ADAMTS12: variants seen among roughly 807,000 people sequenced by gnomAD.
The protein encoded by ADAMTS12 is A disintegrin and metalloproteinase with thrombospondin motifs 12.
In ADAMTS12, 118 loss-of-function variants were observed where a neutral mutation model predicts 167.8. The ratio of observed to expected loss-of-function variants is 0.70; its 90% confidence interval spans 0.61 to 0.82. The LOEUF is 0.82. Among genes scored for constraint, ADAMTS12 ranks in the 40% least tolerant of loss-of-function variants. The probability of loss-of-function intolerance (pLI) is 0.00; values close to 1 mark genes in which losing one functional copy is unlikely to be tolerated. For missense variants in ADAMTS12, 1,916 were observed against 1,998.8 expected, an observed-to-expected ratio of 0.96 and a Z score of 0.79; for synonymous variants, 704 against 716.9, an observed-to-expected ratio of 0.98 and a Z score of 0.29.
chr5:33,774,241 G>C (rs1745838564), intron 2 of ADAMTS12, among the ~76,000 whole-genome samples: 1 of 152,084 alleles, frequency 6.6e-6, no homozygotes, highest in African/African-American at 2.4e-5. Flanking sequence ...AAACGAACCA[G>C]ACATTCCTGC....
intron 14 of ADAMTS12, among the ~76,000 whole-genome samples, chr5:33,617,075 C>T (rs1739057107): frequency 6.6e-6 from 1 of 152,166 alleles, no homozygotes; most frequent in Non-Finnish European, 1.5e-5. Context: ...CAAATCAGCT[C>T]TATGAGTTTC....
chr5:33,676,121 T>C (rs752740597), intron 5 of ADAMTS12, among the ~76,000 whole-genome samples: 6 of 152,206 alleles, frequency 3.9e-5, no homozygotes, highest in East Asian at 3.9e-4. Context: ...CCCTTTTCTA[T>C]ACATTTTGTA....
intron 19 of ADAMTS12, among the ~76,000 whole-genome samples, chr5:33,563,247 A>G (rs1745834983): frequency 6.6e-6 from 1 of 152,184 alleles, no homozygotes; most frequent in African/African-American, 2.4e-5. Flanking sequence ...TGCATCGTTC[A>G]TACTTCCTTA....
In ADAMTS12 at chr5:33,724,145, C is replaced by T. The variant is rs975434532; in HGVS notation, c.634+27259G>A. On this transcript the variant is annotated intron_variant, in intron 3 of 23. Coordinates refer to ENST00000504830, the MANE Select transcript of ADAMTS12 (RefSeq NM_030955.4). ...TCAACACCCTCTGGATTTCAGTATTCTCTCTTCTATTAGAAATAGAGATTT... is the reference window on the plus strand; with the variant it reads ...TCAACACCCTCTGGATTTCAGTATTTTCTCTTCTATTAGAAATAGAGATTT... Among the ~76,000 whole-genome samples the T allele has an allele frequency of 1.4e-4, 21 of 152,182 alleles. 1 individual carries two copies. The highest frequency in any genetic ancestry group is 3.6e-4 in the African/African-American group (15 of 41,440).
intron 3 of ADAMTS12, among the ~76,000 whole-genome samples, chr5:33,718,140 C>T (rs184507735): frequency 3.4e-3 from 520 of 152,318 alleles, no homozygotes; most frequent in African/African-American, 5.9e-3. Context: ...GTCTAACATG[C>T]GCCACAGAAT....
intron 2 of ADAMTS12, among the ~76,000 whole-genome samples, chr5:33,856,905 C>T (rs1212189177): frequency 6.6e-6 from 1 of 152,140 alleles, no homozygotes; most frequent in Non-Finnish European, 1.5e-5. Context: ...TGGGTATATA[C>T]CCAAAGGAAT....
intron 3 of ADAMTS12, among the ~76,000 whole-genome samples, chr5:33,717,959 A>G (rs188582491): frequency 2.6e-5 from 4 of 152,274 alleles, no homozygotes; most frequent in African/African-American, 9.6e-5. Context: ...CTCCACAACA[A>G]ACTTCTGTGT....
At chr5:33,839,530 T>C (rs916396694) in intron 2 of ADAMTS12, among the ~76,000 whole-genome samples, 2 of 152,180 alleles carry the variant, frequency 1.3e-5, no homozygotes, top group African/African-American at 4.8e-5. Flanking sequence ...TCTTTCCTAG[T>C]TGAACATATG....
chr5:33,760,839 A>C (rs1176555733), intron 2 of ADAMTS12, among the ~76,000 whole-genome samples: 1 of 151,668 alleles, frequency 6.6e-6, no homozygotes, highest in African/African-American at 2.4e-5. Context: ...ATCTTCTATC[A>C]GAAAAGTTTT....
chr5:33,726,806 G>T (rs1743998010), intron 3 of ADAMTS12, among the ~76,000 whole-genome samples: 2 of 152,054 alleles, frequency 1.3e-5, no homozygotes, highest in Admixed American at 1.3e-4. Context: ...TCAGCTTGAT[G>T]TAACAGTACT....
At chr5:33,616,196 C>T in intron 14 of ADAMTS12, 124 bp from the exon 15 acceptor site, 1 of 1,325,932 alleles carries the variant, frequency 7.5e-7, no homozygotes, top group Non-Finnish European at 1.0e-6. Flanking sequence ...TGCTGGGTGG[C>T]CACTGGAATT....
intron 3 of ADAMTS12, among the ~76,000 whole-genome samples, chr5:33,741,740 G>T (rs1292809483): frequency 6.6e-6 from 1 of 151,988 alleles, no homozygotes; most frequent in Non-Finnish European, 1.5e-5. Flanking sequence ...CGATTCTCCT[G>T]CCTCAGCCTC....
At chr5:33,869,590 A>C (rs934030302) in intron 2 of ADAMTS12, among the ~76,000 whole-genome samples, 1 of 152,170 alleles carries the variant, frequency 6.6e-6, no homozygotes, top group Non-Finnish European at 1.5e-5. Flanking sequence ...GAGCCGCAAA[A>C]CCAGTAAGTT....
intron 2 of ADAMTS12, among the ~76,000 whole-genome samples, chr5:33,770,538 T>G (rs1246474454): frequency 1.3e-5 from 2 of 152,118 alleles, no homozygotes; most frequent in Non-Finnish European, 2.9e-5. Flanking sequence ...AAAAATGTTT[T>G]TCACATTCAT....
At chr5:33,578,057 G>A (rs139515446) in intron 18 of ADAMTS12, among the ~76,000 whole-genome samples, 14 of 152,274 alleles carry the variant, frequency 9.2e-5, no homozygotes, top group African/African-American at 1.9e-4. Context: ...TGAAAAATCC[G>A]TACTTTTACC....
At chr5:33,796,765 GA>G (rs1746792712) in intron 2 of ADAMTS12, among the ~76,000 whole-genome samples, 2 of 152,306 alleles carry the variant, frequency 1.3e-5, no homozygotes, top group Non-Finnish European at 2.9e-5. Flanking sequence ...TAGGGTCTAT[GA>G]AGAGCAGGAA....
chr5:33,576,582 G>A lies in ADAMTS12; in HGVS notation c.3444C>T (p.Thr1148=). The change falls in exon 19 of 24, where the codon ACC becomes ACT. Residue 1148 remains threonine, a synonymous_variant. Transcript: ENST00000504830. ...TGTGAATCTCCATTTCTGGACCTTT[G>A]GTCAAGGTATTGTAAAATGGAGTCA... ...WPVTPFYNTL[T]KGPEMEIHSG... 1 of 1,614,150 alleles carries A rather than the reference G, an allele frequency of 6.2e-7. No individual in the cohort carries two copies. The highest frequency in any genetic ancestry group is 2.2e-5 in the East Asian group (1 of 44,878).
intron 3 of ADAMTS12, among the ~76,000 whole-genome samples, chr5:33,692,848 A>G (rs992036218): frequency 1.1e-4 from 17 of 152,254 alleles, no homozygotes; most frequent in African/African-American, 3.6e-4. Context: ...GAGAAGTCAT[A>G]TATTTACTCT....
intron 15 of ADAMTS12, 29 bp downstream of exon 15, chr5:33,615,799 G>A (rs10057235): frequency 0.57 from 923,284 of 1,612,362 alleles, 268,655 homozygotes; most frequent in African/African-American, 0.61. Flanking sequence ...TAGCACACAT[G>A]TCAGCAGTTT....
Sources: gnomAD v4.1 joint callset for allele counts (sites outside exome capture counted in the v4.1 genomes callset) on GRCh38, gnomAD v4.1.1 for gene constraint, MANE v1.5 for transcripts, NCBI Gene and HGNC (gene_info 2026-07-23, HGNC 2026-07-21) for gene names.